Variants in PTPRZ1 observed in about 807,000 individuals in gnomAD.
PTPRZ1 encodes the protein receptor-type tyrosine-protein phosphatase zeta.
PTPRZ1 carries 82 observed loss-of-function variants against 214.1 expected under a neutral mutation model. The observed-to-expected ratio is 0.38, with a 90% CI of 0.32 to 0.46. The LOEUF (loss-of-function observed/expected upper bound fraction) is 0.46. PTPRZ1 is among the 20% of genes least tolerant of loss of function. PTPRZ1 has a pLI of 1.00. For missense variants in PTPRZ1, 2,603 were observed against 2,748.7 expected (o/e 0.95, Z 1.19); for synonymous variants, 945 against 987.9 (o/e 0.96, Z 0.81).
intron 1 of PTPRZ1, among the ~76,000 whole-genome samples, chr7:121,907,826 T>C (rs1048173981): frequency 6.6e-6 from 1 of 152,020 alleles, no homozygotes; most frequent in Admixed American, 6.6e-5. Flanking sequence ...AAATGTGTAA[T>C]TTAATGAGAT....
intron 26 of PTPRZ1, 62 bp from the exon 27 acceptor site, chr7:122,054,879 C>T: frequency 6.9e-7 from 1 of 1,439,308 alleles, no homozygotes; most frequent in Non-Finnish European, 9.3e-7. Flanking sequence ...CTTTATTTCA[C>T]AATCTGACTT....
rs553890981 is a variant in PTPRZ1 at position 121,982,925 on chromosome 7, G to A, written c.620-740G>A. Reference sequence around the variant, plus strand: ...CTTGAGTAGCTGGAACTACAGACACGTGCCACCATGCCCAGCTAATTTTTT... The same window carrying A: ...CTTGAGTAGCTGGAACTACAGACACATGCCACCATGCCCAGCTAATTTTTT... On this transcript the variant is annotated intron_variant, in intron 6 of 29. Transcript: ENST00000393386. Among the ~76,000 whole-genome samples, 17 of 152,122 alleles carry A rather than the reference G, an allele frequency of 1.1e-4. No individual in the cohort carries two copies. In the South Asian group the frequency reaches 2.1e-3, roughly 19 times the overall value.
intron 1 of PTPRZ1, 59 bp downstream of exon 1, chr7:121,873,616 G>A (rs952855270): frequency 2.0e-5 from 32 of 1,584,422 alleles, no homozygotes; most frequent in Non-Finnish European, 2.3e-5. Context: ...GAGGGTGGGA[G>A]CATTTCAGCG....
chr7:121,880,622 A>G (rs1398402659), intron 1 of PTPRZ1, among the ~76,000 whole-genome samples: 1 of 152,206 alleles, frequency 6.6e-6, no homozygotes, highest in African/African-American at 2.4e-5. Context: ...TGATTTTTAA[A>G]ATGACTCCTT....
At chr7:121,972,519 G>T in intron 3 of PTPRZ1, 22 bp from the exon 4 acceptor site, 1 of 1,582,402 alleles carries the variant, frequency 6.3e-7, no homozygotes, top group South Asian at 1.2e-5. Context: ...AAGCTTAGGT[G>T]CAATTGTATT....
intron 19 of PTPRZ1, 80 bp from the exon 20 acceptor site, chr7:122,039,374 A>G (rs1799645158): frequency 6.8e-7 from 1 of 1,475,538 alleles, no homozygotes; most frequent in Non-Finnish European, 9.2e-7. Context: ...TCACCATCTC[A>G]GACCTTTACT....
At position 122,052,026 on chromosome 7, in the gene PTPRZ1, G is replaced by C. The variant is rs573923616; in HGVS notation, c.6252+87G>C. On this transcript the variant is annotated intron_variant, in intron 25 of 29. Transcript: ENST00000393386. Reference sequence around the variant, plus strand: ...GGGCTGCCAGAAGCAAAGACTACAGGCATGGGCAAATGAGTGGTAAATTTA... The same window carrying C: ...GGGCTGCCAGAAGCAAAGACTACAGCCATGGGCAAATGAGTGGTAAATTTA... The C allele has an allele frequency of 3.9e-6, 4 of 1,034,956 alleles. No homozygotes were observed. The Admixed American group carries it at 1.2e-4, about 31-fold the overall frequency. 64.1% of individuals were successfully genotyped at this position (1,034,956 alleles called of 1,614,324 possible).
chr7:121,993,227 G>C (rs755567206), intron 8 of PTPRZ1, among the ~76,000 whole-genome samples: 1 of 152,054 alleles, frequency 6.6e-6, no homozygotes, highest in Non-Finnish European at 1.5e-5. Context: ...TCCAGAAAAT[G>C]TACTTTACAG....
intron 23 of PTPRZ1, among the ~76,000 whole-genome samples, chr7:122,051,020 A>G (rs1470370161): frequency 6.6e-6 from 1 of 152,216 alleles, no homozygotes; most frequent in Non-Finnish European, 1.5e-5. Flanking sequence ...TTATTCATGT[A>G]ATGGAGTAGT....
At chr7:122,020,782 G>A (rs1798991073) in intron 13 of PTPRZ1, among the ~76,000 whole-genome samples, 1 of 151,610 alleles carries the variant, frequency 6.6e-6, no homozygotes, top group African/African-American at 2.4e-5. Flanking sequence ...AACAAACCTG[G>A]TTTCTTTAGT....
intron 1 of PTPRZ1, among the ~76,000 whole-genome samples, chr7:121,880,817 A>G (rs903868254): frequency 6.6e-6 from 1 of 152,150 alleles, no homozygotes; most frequent in Non-Finnish European, 1.5e-5. Flanking sequence ...AGGATATGTC[A>G]AGGTGGTATT....
intron 1 of PTPRZ1, chr7:121,908,792 C>CTGGG: frequency 2.0e-6 from 1 of 491,382 alleles, no homozygotes; most frequent in South Asian, 1.6e-5. Flanking sequence ...ACTCATCTTT[C>CTGGG]TGGGATAAAT....
At chr7:121,911,082 T>C (rs1184873802) in intron 1 of PTPRZ1, among the ~76,000 whole-genome samples, 1 of 152,146 alleles carries the variant, frequency 6.6e-6, no homozygotes, top group African/African-American at 2.4e-5. Context: ...TTAGCTTGCC[T>C]GTAAGTTACA....
At chr7:121,910,708 A>G (rs1004516018) in intron 1 of PTPRZ1, among the ~76,000 whole-genome samples, 1 of 152,202 alleles carries the variant, frequency 6.6e-6, no homozygotes, top group African/African-American at 2.4e-5. Flanking sequence ...AGGCAAATGC[A>G]TTATTTCATA....
chr7:121,881,616 G>A (rs777090527), intron 1 of PTPRZ1, among the ~76,000 whole-genome samples: 1 of 152,166 alleles, frequency 6.6e-6, no homozygotes, highest in African/African-American at 2.4e-5. Context: ...ACAAGACAAA[G>A]GTCCTGGAAA....
intron 1 of PTPRZ1, among the ~76,000 whole-genome samples, chr7:121,915,139 G>A (rs1470405253): frequency 6.6e-6 from 1 of 152,126 alleles, no homozygotes; most frequent in Admixed American, 6.5e-5. Context: ...AGAAAGCTGT[G>A]TCAGGCTGAT....
chr7:122,012,000 A>G lies in PTPRZ1; in HGVS notation c.2954A>G (p.Gln985Arg), dbSNP rs1052848293. 2.5e-6 allele frequency: 4 copies of G among 1,614,210 alleles called. No individual in the cohort carries two copies. Among genetic ancestry groups the G allele is most frequent in the Middle Eastern group, 1.6e-4 (1 of 6,062 alleles). Residue 985 changes from glutamine (Q) to arginine (R), a missense_variant, in exon 12 of 30, where the codon CAG becomes CGG. Physicochemically the swap from Gln to Arg is conservative, Grantham distance 43. Transcript: ENST00000393386. ...SLITPTASLLQPTHALSGDGE... is the reference protein window; with the variant it reads ...SLITPTASLLRPTHALSGDGE... The stretch of plus-strand genomic sequence containing the variant: ...ATAACCCCAACTGCATCATTACTGC[A>G]GCCTACTCATGCCCTCTCTGGTGAT...
chr7:122,051,350 T>A (rs1306172880), intron 23 of PTPRZ1, 78 bp from the exon 24 acceptor site: 8 of 903,480 alleles, frequency 8.9e-6, no homozygotes, highest in African/African-American at 1.7e-5. Flanking sequence ...TGTGTGTGTG[T>A]CTGTATGTAT....
chr7:121,999,181 A>G (rs914280915), intron 10 of PTPRZ1, among the ~76,000 whole-genome samples: 2 of 152,226 alleles, frequency 1.3e-5, no homozygotes, highest in African/African-American at 4.8e-5. Flanking sequence ...TACTACTACC[A>G]TGATGGCAAT....
Sources: gnomAD v4.1 joint callset for allele counts (sites outside exome capture counted in the v4.1 genomes callset) on GRCh38, gnomAD v4.1.1 for gene constraint, MANE v1.5 for transcripts, NCBI Gene and HGNC (gene_info 2026-07-23, HGNC 2026-07-21) for gene names.